The following ANO1 variants were observed in gnomAD, a reference collection of about 807,000 sequenced individuals.
ANO1 encodes anoctamin-1.
A neutral mutation model predicts 124.0 loss-of-function variants in ANO1; 59 were observed. The observed-to-expected ratio is 0.48, with a 90% CI of 0.39 to 0.59. The LOEUF (loss-of-function observed/expected upper bound fraction) is 0.59, where lower values mean the gene tolerates loss of function less well. Ranked by LOEUF, ANO1 falls within the 20% of genes least tolerant of loss-of-function variation. ANO1 has a pLI of 0.00. For synonymous variants in ANO1, 529 were observed against 532.0 expected, an observed-to-expected ratio of 0.99 and a Z score of 0.08; for missense variants, 1,059 against 1,328.0, an observed-to-expected ratio of 0.80 and a Z score of 3.15.
chr11:70,062,926 TTTGTTG>T (rs1202398873), intron 1 of ANO1, among the ~76,000 whole-genome samples: 5 of 151,804 alleles, frequency 3.3e-5, no homozygotes, highest in African/African-American at 1.2e-4. Context: ...GTTGTTGTTG[TTTGTTG>T]TTGTTGTTGT....
intron 1 of ANO1, chr11:70,063,632 C>A (rs1857648402): frequency 6.6e-6 from 1 of 152,134 alleles, no homozygotes; most frequent in African/African-American, 2.4e-5. Context: ...ATCCCGCGAA[C>A]CCAGTTCTTC....
intron 16 of ANO1, among the ~76,000 whole-genome samples, chr11:70,160,735 C>T (rs978969639): frequency 2.0e-5 from 3 of 152,338 alleles, no homozygotes; most frequent in African/African-American, 7.2e-5. Flanking sequence ...AGCCCCATCC[C>T]GCAGTCAGTC....
chr11:69,974,175 C>T, the ANO1 span, among the ~76,000 whole-genome samples: 13 of 151,892 alleles, frequency 8.6e-5, no homozygotes, highest in Middle Eastern at 3.4e-3. Flanking sequence ...AAAAATTAGC[C>T]AGGTGTGGTG....
intron 22 of ANO1, among the ~76,000 whole-genome samples, chr11:70,173,299 C>T (rs528990039): frequency 6.6e-6 from 1 of 152,312 alleles, no homozygotes; most frequent in African/African-American, 2.4e-5. Context: ...CCCAGGGCTC[C>T]TGGGTAAGAG....
chr11:70,051,910 C>T (rs1857354100), intron 1 of ANO1, among the ~76,000 whole-genome samples: 1 of 152,150 alleles, frequency 6.6e-6, no homozygotes, highest in Non-Finnish European at 1.5e-5. Context: ...ATTTATCAGT[C>T]TTTTCCTTTA....
chr11:70,072,405 C>T (rs1410468566), intron 1 of ANO1: 1 of 152,256 alleles, frequency 6.6e-6, no homozygotes, highest in Non-Finnish European at 1.5e-5. Context: ...ATGAAGTGAA[C>T]AGCAAGCGTT....
intron 8 of ANO1, among the ~76,000 whole-genome samples, chr11:70,121,956 A>C (rs1400180344): frequency 9.3e-4 from 42 of 45,384 alleles, no homozygotes; most frequent in South Asian, 3.7e-3. Context: ...GTCTCTCTCC[A>C]CCTCCCCACC....
At chr11:70,083,416 T>C in intron 1 of ANO1, among the ~76,000 whole-genome samples, 1 of 151,920 alleles carries the variant, frequency 6.6e-6, no homozygotes, top group South Asian at 2.1e-4. Context: ...GGATGCCCAC[T>C]CTTGATCAGG....
intron 1 of ANO1, among the ~76,000 whole-genome samples, chr11:69,988,801 C>T (rs1315689338): frequency 2.6e-5 from 4 of 152,182 alleles, no homozygotes; most frequent in Non-Finnish European, 5.9e-5. Flanking sequence ...CTGCCCAACT[C>T]ACTCCTGCAC....
At chr11:70,113,867 C>A (rs1469935673) in intron 7 of ANO1, among the ~76,000 whole-genome samples, 1 of 152,148 alleles carries the variant, frequency 6.6e-6, no homozygotes, top group Non-Finnish European at 1.5e-5. Context: ...GGTCACACAG[C>A]CCCTTTGGAG....
intron 1 of ANO1, among the ~76,000 whole-genome samples, chr11:69,987,973 G>A (rs1163116147): frequency 6.6e-6 from 1 of 152,194 alleles, no homozygotes; most frequent in African/African-American, 2.4e-5. Flanking sequence ...TGTGTGTGGG[G>A]TGGAATCGTG....
At chr11:70,162,335 C>G (rs1399509833) in intron 18 of ANO1, among the ~76,000 whole-genome samples, 1 of 152,012 alleles carries the variant, frequency 6.6e-6, no homozygotes, top group Non-Finnish European at 1.5e-5. Context: ...ACCCCAGGGA[C>G]TCCAGGCAGT....
At chr11:70,009,103 TG>T (rs782312834) in intron 1 of ANO1, among the ~76,000 whole-genome samples, 32 of 152,274 alleles carry the variant, frequency 2.1e-4, no homozygotes, top group Non-Finnish European at 4.0e-4. Flanking sequence ...CTGGAGACAA[TG>T]GAGTGTCCTT....
Position 70,131,873 on chromosome 11 carries a change from A to G in ANO1, c.1098-46A>G, listed in dbSNP as rs773493332. 9 of 1,574,536 alleles carry G rather than the reference A, an allele frequency of 5.7e-6. No individual in the cohort carries two copies. The East Asian group carries it at 2.1e-4, about 36-fold the overall frequency. ...CAGCTCGGCACCCAGGAGGTGCTCCATCATGGCCCAACAAGGTGACTCCAG... is the reference window on the plus strand; with the variant it reads ...CAGCTCGGCACCCAGGAGGTGCTCCGTCATGGCCCAACAAGGTGACTCCAG... On this transcript the variant is annotated intron_variant, in intron 10 of 25. Coordinates refer to ENST00000355303, the MANE Select transcript of ANO1 (RefSeq NM_018043.7).
chr11:70,066,433 C>T (rs1857720643), intron 1 of ANO1, among the ~76,000 whole-genome samples: 1 of 152,120 alleles, frequency 6.6e-6, no homozygotes, highest in Admixed American at 6.5e-5. Context: ...CCAAAGACAC[C>T]CTGCAGGGTT....
intron 1 of ANO1, chr11:70,064,209 G>A (rs1555008171): frequency 5.9e-5 from 9 of 152,372 alleles, no homozygotes; most frequent in Middle Eastern, 6.8e-3. Flanking sequence ...GAAGCCAGTG[G>A]CCTCTCAGCC....
At position 70,067,624 on chromosome 11, in the gene ANO1, G is replaced by A. The variant is rs921993852; in HGVS notation, c.59-10918G>A. 1.3e-4 allele frequency among the ~76,000 whole-genome samples: 20 copies of A among 152,266 alleles called. No individual in the cohort carries two copies. In the East Asian group the frequency reaches 1.5e-3, roughly 12 times the overall value. ...ATTACAGGCATGAGCCGCCGCACCC[G>A]GCCTGTGCGTGTTTTGCTGGCTGCT... On this transcript the variant is annotated intron_variant, in intron 1 of 27. Coordinates refer to the ANO1 transcript ENST00000531349.
chr11:70,167,468 G>A (rs561604335), intron 21 of ANO1, 81 bp downstream of exon 21: 2 of 1,512,470 alleles, frequency 1.3e-6, no homozygotes, highest in Non-Finnish European at 1.8e-6. Context: ...AGGGCTGCAG[G>A]GGCATGATGC....
chr11:70,093,437 C>T (rs914511502), intron 2 of ANO1, among the ~76,000 whole-genome samples: 15 of 152,134 alleles, frequency 9.9e-5, no homozygotes, highest in African/African-American at 3.6e-4. Context: ...GACCCATTAG[C>T]CTTTTTGAAG....
Sources: gnomAD v4.1 joint callset for allele counts (sites outside exome capture counted in the v4.1 genomes callset) on GRCh38, gnomAD v4.1.1 for gene constraint, MANE v1.5 for transcripts, NCBI Gene and HGNC (gene_info 2026-07-23, HGNC 2026-07-21) for gene names.